The following RNU7-1 variants were observed in gnomAD, a reference collection of about 807,000 sequenced individuals.
The protein encoded by RNU7-1 is RNA, U7 small nuclear 1.
Position 6,943,877 on chromosome 12 carries a change from C to T in RNU7-1, n.62C>T, listed in dbSNP as rs148496170. The stretch of plus-strand genomic sequence containing the variant: ...TTTCTGGCTTTTTACCGGAAAGCCC[C>T]TCTTATGATGTTTGTTGCCAATGAT... On this transcript the variant is annotated non_coding_transcript_exon_variant, in exon 1 of 1. Coordinates refer to ENST00000458811, the Ensembl canonical transcript of RNU7-1. 2.4e-3 allele frequency: 2,423 copies of T among 995,006 alleles called. 8 individuals carry two copies. Among genetic ancestry groups the T allele is most frequent in the Non-Finnish European group, 2.9e-3 (2,055 of 709,794 alleles). 61.6% of individuals were successfully genotyped at this position (995,006 alleles called of 1,614,324 possible). A position where few individuals can be genotyped will look rare whatever the true frequency, so the allele number is the denominator to read the frequency against.
chr12:6,943,837 A>G (rs965213031), exon 1 of RNU7-1: 39 of 872,832 alleles, frequency 4.5e-5, no homozygotes, highest in South Asian at 1.3e-4. Flanking sequence ...CTCTTTTAGA[A>G]TTTGTCTAGT....
chr12:6,943,847 T>C (rs782092659), exon 1 of RNU7-1: 387 of 901,130 alleles, frequency 4.3e-4, no homozygotes, highest in African/African-American at 1.6e-3. Context: ...ATTTGTCTAG[T>C]AGGCTTTCTG....
exon 1 of RNU7-1, chr12:6,943,821 T>A: frequency 1.2e-6 from 1 of 853,356 alleles, no homozygotes; most frequent in South Asian, 1.8e-5. Flanking sequence ...CGCAGCAGTG[T>A]TACAGCTCTT....
At chr12:6,943,877 C>G (rs148496170) in exon 1 of RNU7-1, 86 of 994,916 alleles carry the variant, frequency 8.6e-5, no homozygotes, top group Middle Eastern at 6.6e-4. Context: ...CGGAAAGCCC[C>G]TCTTATGATG....
In RNU7-1 at chr12:6,943,852, T is replaced by G. The variant is rs1012635845; in HGVS notation, n.37T>G. On this transcript the variant is annotated non_coding_transcript_exon_variant, in exon 1 of 1. Transcript: ENST00000458811. ...CTCTTTTAGAATTTGTCTAGTAGGC[T>G]TTCTGGCTTTTTACCGGAAAGCCCC... 90 of 905,712 alleles carry G rather than the reference T, an allele frequency of 9.9e-5. No homozygotes were observed. Among genetic ancestry groups the G allele is most frequent in the Admixed American group, 4.1e-4 (13 of 31,852 alleles). The allele number at this position is 905,712 out of a possible 1,614,324, so 56.1% of individuals were successfully genotyped here. A position where few individuals can be genotyped will look rare whatever the true frequency, so the allele number is the denominator to read the frequency against.
chr12:6,943,849 G>GGCTTTCT (rs1945694078), exon 1 of RNU7-1: 1 of 890,722 alleles, frequency 1.1e-6, no homozygotes, highest in East Asian at 3.2e-5. Context: ...TTGTCTAGTA[G>GGCTTTCT]GCTTTCTGGC....
At chr12:6,943,865 A>T (rs782760331) in exon 1 of RNU7-1, 4 of 934,146 alleles carry the variant, frequency 4.3e-6, no homozygotes, top group South Asian at 3.5e-5. Flanking sequence ...CTGGCTTTTT[A>T]CCGGAAAGCC....
At chr12:6,943,829 C>CT (rs1945692407) in exon 1 of RNU7-1, 6 of 871,734 alleles carry the variant, frequency 6.9e-6, no homozygotes, top group East Asian at 7.2e-5. Context: ...TGTTACAGCT[C>CT]TTTTAGAATT....
exon 1 of RNU7-1, chr12:6,943,870 A>AC (rs782583480): frequency 6.3e-6 from 6 of 956,492 alleles, no homozygotes; most frequent in South Asian, 3.5e-5. Flanking sequence ...TTTTTACCGG[A>AC]AAGCCCCTCT....
At chr12:6,943,845 A>C (rs781842057) in exon 1 of RNU7-1, 20 of 893,894 alleles carry the variant, frequency 2.2e-5, no homozygotes, top group African/African-American at 3.4e-5. Flanking sequence ...GAATTTGTCT[A>C]GTAGGCTTTC....
chr12:6,943,817 A>G (rs782162928), exon 1 of RNU7-1: 43 of 839,078 alleles, frequency 5.1e-5, no homozygotes, highest in South Asian at 2.2e-4. Flanking sequence ...CATACGCAGC[A>G]GTGTTACAGC....
At chr12:6,943,821 T>G (rs1405224802) in exon 1 of RNU7-1, 9 of 853,238 alleles carry the variant, frequency 1.1e-5, no homozygotes, top group Middle Eastern at 3.9e-4. Flanking sequence ...CGCAGCAGTG[T>G]TACAGCTCTT....
exon 1 of RNU7-1, chr12:6,943,866 C>A (rs139594532): frequency 2.1e-6 from 2 of 934,290 alleles, no homozygotes; most frequent in African/African-American, 1.7e-5. Context: ...TGGCTTTTTA[C>A]CGGAAAGCCC....
chr12:6,943,874 C>G (rs187552855), exon 1 of RNU7-1: 26 of 967,290 alleles, frequency 2.7e-5, no homozygotes, highest in South Asian at 3.4e-5. Flanking sequence ...TACCGGAAAG[C>G]CCCTCTTATG....
chr12:6,943,826 G>A (rs1003056522), exon 1 of RNU7-1: 28 of 862,556 alleles, frequency 3.2e-5, no homozygotes, highest in Admixed American at 6.6e-5. Context: ...CAGTGTTACA[G>A]CTCTTTTAGA....
exon 1 of RNU7-1, chr12:6,943,829 C>G (rs894204914): frequency 3.1e-5 from 27 of 871,616 alleles, no homozygotes; most frequent in Admixed American, 6.5e-5. Flanking sequence ...TGTTACAGCT[C>G]TTTTAGAATT....
exon 1 of RNU7-1, chr12:6,943,854 T>G (rs888089166): frequency 3.3e-6 from 3 of 922,376 alleles, no homozygotes; most frequent in East Asian, 3.1e-5. Context: ...TAGTAGGCTT[T>G]CTGGCTTTTT....
chr12:6,943,863 T>G, exon 1 of RNU7-1: 1 of 938,970 alleles, frequency 1.1e-6, no homozygotes, highest in Non-Finnish European at 1.5e-6. Flanking sequence ...TTCTGGCTTT[T>G]TACCGGAAAG....
exon 1 of RNU7-1, chr12:6,943,816 C>G (rs115670517): frequency 2.9e-5 from 24 of 833,472 alleles, no homozygotes; most frequent in Middle Eastern, 4.0e-4. Flanking sequence ...ACATACGCAG[C>G]AGTGTTACAG....
Sources: allele counts gnomAD v4.1 joint callset, GRCh38; gene constraint gnomAD v4.1.1; transcripts MANE v1.5; gene names NCBI Gene and HGNC (gene_info 2026-07-23, HGNC 2026-07-21).